LMNTD1: variants seen among roughly 807,000 people sequenced by gnomAD.
LMNTD1 encodes the protein lamin tail domain containing 1, also known as lamin tail domain-containing protein 1.
Under a neutral mutation model 50.9 loss-of-function variants are expected in LMNTD1, and 35 were observed. The observed-to-expected ratio is 0.69, with a 90% CI of 0.53 to 0.91. LMNTD1 has a LOEUF of 0.91. Among genes scored for constraint, LMNTD1 ranks in the 40% least tolerant of loss-of-function variants. The pLI, the probability that LMNTD1 is intolerant of heterozygous loss-of-function variation, is 0.00. For missense variants in LMNTD1, 470 were observed against 475.5 expected (o/e 0.99, Z 0.11); for synonymous variants, 153 against 161.9 (o/e 0.94, Z 0.42).
chr12:25,633,558 A>T (rs1026192579), intron 1 of LMNTD1, among the ~76,000 whole-genome samples: 1 of 152,256 alleles, frequency 6.6e-6, no homozygotes, highest in Non-Finnish European at 1.5e-5. Context: ...GAAATTAAAT[A>T]ACCTGCTCCT....
At chr12:25,520,280 C>T (rs1012197090) in intron 6 of LMNTD1, among the ~76,000 whole-genome samples, 5 of 151,448 alleles carry the variant, frequency 3.3e-5, no homozygotes, top group African/African-American at 9.7e-5. Context: ...AAATCCCCAA[C>T]ACAATTTCAT....
chr12:25,539,261 C>T (rs1257620600), intron 4 of LMNTD1, among the ~76,000 whole-genome samples: 1 of 150,784 alleles, frequency 6.6e-6, no homozygotes, highest in Admixed American at 6.6e-5. Context: ...CCCAAATCAA[C>T]AGAATATACA....
Position 25,487,959 on chromosome 12 carries a change from C to T in LMNTD1, c.*23-11499G>A, listed in dbSNP as rs1457210322. 5.5e-5 allele frequency among the ~76,000 whole-genome samples: 8 copies of T among 146,162 alleles called. No homozygotes were observed. The South Asian group carries it at 6.9e-4, about 13-fold the overall frequency. On this transcript the variant is annotated intron_variant, in intron 9 of 9. Coordinates refer to ENST00000458174, the MANE Select transcript of LMNTD1 (RefSeq NM_001145728.2). ...TTTCTTTAAGAATGTTGAATATTGGCCCCCACTCTCTTCTGGCTTGTGGGG... is the reference window on the plus strand; with the variant it reads ...TTTCTTTAAGAATGTTGAATATTGGTCCCCACTCTCTTCTGGCTTGTGGGG...
chr12:25,514,715 A>T (rs1678559), intron 8 of LMNTD1, among the ~76,000 whole-genome samples: 2 of 151,960 alleles, frequency 1.3e-5, no homozygotes, highest in Non-Finnish European at 2.9e-5. Context: ...GGAACGGATA[A>T]TCCCCAAAAA....
chr12:25,643,466 A>G (rs189667005), intron 1 of LMNTD1, among the ~76,000 whole-genome samples: 25 of 152,358 alleles, frequency 1.6e-4, no homozygotes, highest in Admixed American at 1.1e-3. Flanking sequence ...TATAGACAAT[A>G]GAATATAGGA....
chr12:25,577,295 T>G (rs965543694), intron 1 of LMNTD1, among the ~76,000 whole-genome samples: 1 of 152,236 alleles, frequency 6.6e-6, no homozygotes, highest in Admixed American at 6.5e-5. Context: ...TATGGCCATT[T>G]TCACAATATT....
chr12:25,482,255 A>ATC (rs1938470088), intron 9 of LMNTD1, among the ~76,000 whole-genome samples: 2 of 152,038 alleles, frequency 1.3e-5, no homozygotes, highest in Non-Finnish European at 2.9e-5. Flanking sequence ...GTTAAGAACA[A>ATC]ATAACTTAAC....
chr12:25,481,784 C>T (rs1938452528), intron 9 of LMNTD1, among the ~76,000 whole-genome samples: 1 of 150,524 alleles, frequency 6.6e-6, no homozygotes, highest in African/African-American at 2.5e-5. Context: ...GATTCTCGAG[C>T]ACTCAGGTTC....
chr12:25,542,320 C>T lies in LMNTD1; in HGVS notation c.491+4054G>A, dbSNP rs556162464. Among the ~76,000 whole-genome samples the T allele has an allele frequency of 9.3e-5, 14 of 151,250 alleles. No individual in the cohort carries two copies. In the East Asian group the frequency reaches 2.3e-3, roughly 25 times the overall value. ...ACAATAGCAAAGACTTGGAACCAAC[C>T]CAAATGTCCAACAATGATAGACTGG... is the stretch of plus-strand genomic sequence containing the variant. On this transcript the variant is annotated intron_variant, in intron 4 of 9. Coordinates refer to ENST00000458174, the MANE Select transcript of LMNTD1 (RefSeq NM_001145728.2).
intron 4 of LMNTD1, among the ~76,000 whole-genome samples, chr12:25,542,606 G>T (rs1392700332): frequency 6.6e-6 from 1 of 151,412 alleles, no homozygotes; most frequent in Non-Finnish European, 1.5e-5. Context: ...AGCACTGGGA[G>T]ATATACCTAA....
rs569660516 is a variant in LMNTD1, at chr12:25,639,513, A to AT, written c.58+8980dup. ...AAATGGGTAAAGAAGTTGAATAGAC[A>AT]TTTTTTCAAAAAAGATATACGAATA... On this transcript the variant is annotated intron_variant, in intron 1 of 7. Coordinates refer to the LMNTD1 transcript ENST00000445693. Among the ~76,000 whole-genome samples the AT allele has an allele frequency of 3.1e-4, 47 of 152,314 alleles. No homozygotes were observed. The East Asian group carries it at 4.6e-3, about 15-fold the overall frequency.
At chr12:25,556,696 G>A (rs1944058296), upstream of LMNTD1, among the ~76,000 whole-genome samples, 1 of 151,934 alleles carries the variant, frequency 6.6e-6, no homozygotes, top group Admixed American at 6.6e-5. Context: ...GTCAAATTAG[G>A]GTAATGAAAA....
intron 1 of LMNTD1, among the ~76,000 whole-genome samples, chr12:25,587,732 AT>A (rs1945580383): frequency 6.6e-6 from 1 of 152,072 alleles, no homozygotes; most frequent in Non-Finnish European, 1.5e-5. Flanking sequence ...AGAAATCACT[AT>A]TTTTTTCTTC....
intron 1 of LMNTD1, among the ~76,000 whole-genome samples, chr12:25,640,527 T>C (rs562537745): frequency 2.0e-5 from 3 of 152,084 alleles, no homozygotes; most frequent in Admixed American, 6.6e-5. Flanking sequence ...AATCTAAAAT[T>C]ATATTGTGGT....
At chr12:25,610,856 G>A (rs1350267771) in intron 1 of LMNTD1, among the ~76,000 whole-genome samples, 4 of 152,218 alleles carry the variant, frequency 2.6e-5, no homozygotes, top group African/African-American at 9.6e-5. Flanking sequence ...AGAAGAAGGT[G>A]TTGGGTTTGG....
intron 1 of LMNTD1, among the ~76,000 whole-genome samples, chr12:25,626,800 C>A (rs1172439851): frequency 3.3e-5 from 5 of 152,090 alleles, no homozygotes; most frequent in Non-Finnish European, 7.4e-5. Flanking sequence ...TTGCTCCCAC[C>A]CAAGCTGAAA....
intron 9 of LMNTD1, among the ~76,000 whole-genome samples, chr12:25,481,749 T>G (rs753672753): frequency 4.0e-5 from 6 of 151,058 alleles, no homozygotes; most frequent in Non-Finnish European, 7.4e-5. Flanking sequence ...GAGGGTATCT[T>G]GTGTGACGGC....
chr12:25,615,120 C>A (rs917304031), intron 1 of LMNTD1, among the ~76,000 whole-genome samples: 19 of 152,134 alleles, frequency 1.2e-4, no homozygotes, highest in African/African-American at 3.9e-4. Flanking sequence ...AGTGGCCAAA[C>A]AAAATGAGGC....
At chr12:25,568,191 C>T (rs1418090574) in intron 1 of LMNTD1, among the ~76,000 whole-genome samples, 1 of 152,216 alleles carries the variant, frequency 6.6e-6, no homozygotes, top group Non-Finnish European at 1.5e-5. Flanking sequence ...AAGAACTTGA[C>T]TGCATGGTGT....
Sources: gnomAD v4.1 joint callset for allele counts (sites outside exome capture counted in the v4.1 genomes callset) on GRCh38, gnomAD v4.1.1 for gene constraint, MANE v1.5 for transcripts, NCBI Gene and HGNC (gene_info 2026-07-23, HGNC 2026-07-21) for gene names.